The following DLG2 variants were observed in gnomAD, a reference collection of about 807,000 sequenced individuals.
DLG2 encodes the protein disks large homolog 2.
Under a neutral mutation model 132.5 loss-of-function variants are expected in DLG2, and 45 were observed. The observed-to-expected ratio is 0.34, with a 90% CI of 0.27 to 0.44. DLG2 has a LOEUF of 0.44. DLG2 is among the 20% of genes least tolerant of loss of function. DLG2 has a pLI of 1.00. For missense variants in DLG2, 1,045 were observed against 1,196.9 expected, an observed-to-expected ratio of 0.87 and a Z score of 1.87; for synonymous variants, 424 against 419.6, an observed-to-expected ratio of 1.01 and a Z score of -0.13.
intron 3 of DLG2, among the ~76,000 whole-genome samples, chr11:85,356,548 A>C (rs2083706375): frequency 6.6e-6 from 1 of 152,208 alleles, no homozygotes; most frequent in South Asian, 2.1e-4. Context: ...AAAACAAGAG[A>C]ACCACAAACT....
chr11:85,369,415 A>G (rs970466263), intron 3 of DLG2, among the ~76,000 whole-genome samples: 1 of 151,216 alleles, frequency 6.6e-6, no homozygotes, highest in Non-Finnish European at 1.5e-5. Flanking sequence ...AGGCATTTTT[A>G]AACTGTTTTT....
intron 6 of DLG2, chr11:84,887,172 C>A (rs922076706): frequency 2.0e-5 from 3 of 151,890 alleles, no homozygotes; most frequent in Non-Finnish European, 4.4e-5. Flanking sequence ...TGAAAAGCAC[C>A]ATCTGTTCAT....
At chr11:85,525,067 T>C (rs1598267739) in intron 3 of DLG2, 1 of 152,202 alleles carries the variant, frequency 6.6e-6, no homozygotes, top group Non-Finnish European at 1.5e-5. Context: ...TTATAACATT[T>C]GTCAAAACTC....
chr11:84,191,485 A>G lies in DLG2; in HGVS notation c.574-27974T>C, dbSNP rs190029222. 3.1e-3 allele frequency among the ~76,000 whole-genome samples: 468 copies of G among 152,364 alleles called. 3 individuals are homozygous for G. The highest frequency in any genetic ancestry group is 0.01 in the African/African-American group (435 of 41,588). On this transcript the variant is annotated intron_variant, in intron 8 of 27. Transcript: ENST00000376104. ...TTTCAAAAACTACATTAGAAACTGCAGTAGAACATTATTTCATTTGTTAAA... is the reference window on the plus strand; with the variant it reads ...TTTCAAAAACTACATTAGAAACTGCGGTAGAACATTATTTCATTTGTTAAA...
rs183620224 is a variant in DLG2 at position 84,578,614 on chromosome 11, T to C, written c.358-43883A>G. ...GGCTGTATTTACCCAATACCTGCACTGCCATTGTGTCTAGGAACTAACTAG... is the reference window on the plus strand; with the variant it reads ...GGCTGTATTTACCCAATACCTGCACCGCCATTGTGTCTAGGAACTAACTAG... On this transcript the variant is annotated intron_variant, in intron 6 of 27. Transcript: ENST00000376104. Among the ~76,000 whole-genome samples, 439 of 152,318 alleles carry C rather than the reference T, an allele frequency of 2.9e-3. 2 individuals carry two copies. Among genetic ancestry groups the C allele is most frequent in the African/African-American group, 0.01 (417 of 41,582 alleles).
intron 14 of DLG2, among the ~76,000 whole-genome samples, chr11:83,941,577 G>T (rs1311881323): frequency 6.6e-6 from 1 of 151,918 alleles, no homozygotes; most frequent in Admixed American, 6.6e-5. Context: ...TGTATTTTTA[G>T]TAGAGACAGT....
chr11:85,422,309 C>T (rs1372741318), intron 3 of DLG2, among the ~76,000 whole-genome samples: 4 of 152,152 alleles, frequency 2.6e-5, no homozygotes, highest in Non-Finnish European at 5.9e-5. Flanking sequence ...TTTTCTTCCT[C>T]AGGAACTCAG....
intron 3 of DLG2, among the ~76,000 whole-genome samples, chr11:85,484,044 C>G (rs1310741020): frequency 1.3e-5 from 2 of 152,064 alleles, no homozygotes; most frequent in Non-Finnish European, 2.9e-5. Flanking sequence ...AGGCTAAATA[C>G]CGGCACGAGA....
chr11:83,835,637 T>G (rs774139140), intron 16 of DLG2, among the ~76,000 whole-genome samples: 1 of 152,186 alleles, frequency 6.6e-6, no homozygotes, highest in Non-Finnish European at 1.5e-5. Flanking sequence ...AGTTTTCTAT[T>G]GCTGAATAAC....
intron 18 of DLG2, chr11:83,682,440 C>A: frequency 1.0e-6 from 1 of 985,346 alleles, no homozygotes. Flanking sequence ...GCCTTAGAAG[C>A]AGTGACAGTA....
intron 6 of DLG2, among the ~76,000 whole-genome samples, chr11:84,684,396 A>T (rs984334665): frequency 6.6e-6 from 1 of 152,126 alleles, no homozygotes; most frequent in Non-Finnish European, 1.5e-5. Flanking sequence ...TTCACACTCC[A>T]GAAATTGAGT....
chr11:85,160,987 T>TGTG (rs2077984836), intron 4 of DLG2, among the ~76,000 whole-genome samples: 1 of 152,086 alleles, frequency 6.6e-6, no homozygotes, highest in Admixed American at 6.5e-5. Flanking sequence ...TGACCAGATG[T>TGTG]GTGATTATAT....
At chr11:84,038,464 C>T (rs1017100415) in intron 11 of DLG2, among the ~76,000 whole-genome samples, 44 of 151,544 alleles carry the variant, frequency 2.9e-4, no homozygotes, top group Admixed American at 8.6e-4. Flanking sequence ...TAACACCAGT[C>T]GGAATGGCTA....
intron 15 of DLG2, among the ~76,000 whole-genome samples, chr11:83,919,503 T>C (rs935710843): frequency 1.3e-5 from 2 of 152,206 alleles, no homozygotes; most frequent in African/African-American, 4.8e-5. Flanking sequence ...ATTCTATCCA[T>C]AATAAATTTC....
chr11:84,257,843 T>C (rs1176156552), intron 7 of DLG2, among the ~76,000 whole-genome samples: 4 of 151,862 alleles, frequency 2.6e-5, no homozygotes, highest in Non-Finnish European at 5.9e-5. Context: ...TGTACCACCA[T>C]GCCTGGCTAA....
At chr11:83,493,417 A>C (rs2093983487) in intron 21 of DLG2, among the ~76,000 whole-genome samples, 1 of 135,680 alleles carries the variant, frequency 7.4e-6, no homozygotes, top group African/African-American at 2.8e-5. Flanking sequence ...AACATTTATC[A>C]CCATCTGCCT....
intron 6 of DLG2, among the ~76,000 whole-genome samples, chr11:84,651,570 A>G (rs2099682117): frequency 6.6e-6 from 1 of 152,192 alleles, no homozygotes; most frequent in Non-Finnish European, 1.5e-5. Context: ...TGAATTTCAC[A>G]CTGCTTGAGA....
chr11:84,838,823 G>C (rs1344792659), intron 6 of DLG2, among the ~76,000 whole-genome samples: 1 of 152,022 alleles, frequency 6.6e-6, no homozygotes, highest in Non-Finnish European at 1.5e-5. Flanking sequence ...CAATAAATTA[G>C]GTATTGATGG....
intron 19 of DLG2, among the ~76,000 whole-genome samples, chr11:83,544,480 T>G (rs1433320058): frequency 6.6e-6 from 1 of 152,106 alleles, no homozygotes; most frequent in African/African-American, 2.4e-5. Context: ...ACAGATCTAG[T>G]GGGGCCCACT....
Sources: gnomAD v4.1 joint callset for allele counts (sites outside exome capture counted in the v4.1 genomes callset) on GRCh38, gnomAD v4.1.1 for gene constraint, MANE v1.5 for transcripts, NCBI Gene and HGNC (gene_info 2026-07-23, HGNC 2026-07-21) for gene names.